EPHA7: variants seen among roughly 807,000 people sequenced by gnomAD.
The protein encoded by EPHA7 is EPH receptor A7.
In EPHA7, 25 loss-of-function variants were observed where a neutral mutation model predicts 112.6. That is an observed-to-expected ratio of 0.22 (90% CI 0.16 to 0.31). The LOEUF (loss-of-function observed/expected upper bound fraction) is 0.31, where lower values mean the gene tolerates loss of function less well. EPHA7 is among the 10% of genes least tolerant of loss of function. The pLI is 1.00. For missense variants in EPHA7, 962 were observed against 1,212.6 expected (o/e 0.79, Z 3.07); for synonymous variants, 437 against 406.5 (o/e 1.07, Z -0.90).
At chr6:93,266,372 AG>A (rs889181801) in intron 7 of EPHA7, among the ~76,000 whole-genome samples, 1 of 151,660 alleles carries the variant, frequency 6.6e-6, no homozygotes, top group African/African-American at 2.4e-5. Context: ...AGCTTCAGAA[AG>A]AGAACTCTAA....
At chr6:93,363,864 A>C in intron 3 of EPHA7, among the ~76,000 whole-genome samples, 1 of 152,216 alleles carries the variant, frequency 6.6e-6, no homozygotes, top group South Asian at 2.1e-4. Flanking sequence ...TAATCCACCA[A>C]TTAAAAGGAG....
chr6:93,393,060 G>A (rs972257164), intron 3 of EPHA7, among the ~76,000 whole-genome samples: 2 of 151,764 alleles, frequency 1.3e-5, no homozygotes, highest in African/African-American at 4.8e-5. Context: ...AATCATATGT[G>A]GCTGTAATTG....
intron 3 of EPHA7, among the ~76,000 whole-genome samples, chr6:93,369,830 G>C (rs547728431): frequency 6.6e-6 from 1 of 152,300 alleles, no homozygotes; most frequent in Admixed American, 6.5e-5. Flanking sequence ...CCAGCATTAT[G>C]CATCTGGTGA....
chr6:93,282,518 C>T (rs1771796282), intron 5 of EPHA7, among the ~76,000 whole-genome samples: 1 of 152,240 alleles, frequency 6.6e-6, no homozygotes, highest in Admixed American at 6.5e-5. Flanking sequence ...ACTCTTGGCG[C>T]CTCCTCGGCC....
At position 93,242,219 on chromosome 6, in the gene EPHA7, C is replaced by CA. The variant is rs1769719073; in HGVS notation, c.*1206dup. The CA allele has an allele frequency of 5.1e-6, 1 of 196,864 alleles. No homozygotes were observed. Among genetic ancestry groups the CA allele is most frequent in the African/African-American group, 2.3e-5 (1 of 43,302 alleles). The allele number at this position is 196,864 out of a possible 1,614,324, so 12.2% of individuals were successfully genotyped here. A position where few individuals can be genotyped will look rare whatever the true frequency, so the allele number is the denominator to read the frequency against. The stretch of plus-strand genomic sequence containing the variant: ...TAGGGTAAAGAGTCCTTTCATTTAA[C>CA]AAGTTTCTTGCATCAGTGTTCACAA... On this transcript the variant is annotated 3_prime_UTR_variant, in exon 17 of 17. Transcript: ENST00000369303.
At chr6:93,318,628 T>TC (rs1773922382) in intron 5 of EPHA7, among the ~76,000 whole-genome samples, 1 of 152,114 alleles carries the variant, frequency 6.6e-6, no homozygotes, top group Admixed American at 6.6e-5. Context: ...GTCATTTTGT[T>TC]TTTTGTTTGT....
intron 3 of EPHA7, among the ~76,000 whole-genome samples, chr6:93,400,566 T>C (rs906100108): frequency 6.6e-6 from 1 of 152,100 alleles, no homozygotes. Flanking sequence ...AAGGTCTAAC[T>C]GTCACCCTGG....
intron 7 of EPHA7, among the ~76,000 whole-genome samples, chr6:93,266,050 G>A (rs1047834233): frequency 3.3e-5 from 5 of 151,514 alleles, no homozygotes; most frequent in African/African-American, 9.7e-5. Flanking sequence ...TTTATCACCT[G>A]CTGAATTGCT....
chr6:93,324,885 T>C (rs1774239845), intron 5 of EPHA7, among the ~76,000 whole-genome samples: 1 of 151,342 alleles, frequency 6.6e-6, no homozygotes, highest in Non-Finnish European at 1.5e-5. Flanking sequence ...GCAAAAGAGG[T>C]TCATATTGTA....
intron 13 of EPHA7, 120 bp from the exon 14 acceptor site, chr6:93,254,916 A>G: frequency 1.5e-6 from 1 of 663,164 alleles, no homozygotes; most frequent in South Asian, 2.5e-5. Flanking sequence ...AGGTCTACCC[A>G]TCTTGAATCT....
chr6:93,255,406 A>C (rs1474749049), intron 13 of EPHA7, among the ~76,000 whole-genome samples: 2 of 152,184 alleles, frequency 1.3e-5, no homozygotes, highest in Non-Finnish European at 2.9e-5. Flanking sequence ...AGTTACTATG[A>C]AAATGAAATA....
chr6:93,260,653 T>A (rs1770645254), intron 9 of EPHA7: 1 of 976,238 alleles, frequency 1.0e-6, no homozygotes, highest in African/African-American at 1.8e-5. Flanking sequence ...GCAAAATGTA[T>A]AAAGGAAAAT....
chr6:93,403,385 C>A (rs1466936254), intron 3 of EPHA7, among the ~76,000 whole-genome samples: 2 of 150,120 alleles, frequency 1.3e-5, no homozygotes, highest in Admixed American at 6.6e-5. Context: ...CAAGGCTTAG[C>A]TGTTTAAAAA....
chr6:93,378,115 A>C (rs1777152891), intron 3 of EPHA7, among the ~76,000 whole-genome samples: 1 of 152,090 alleles, frequency 6.6e-6, no homozygotes, highest in Non-Finnish European at 1.5e-5. Context: ...GGAAAGAGAC[A>C]ATTCATAGGC....
Position 93,294,352 on chromosome 6 carries a change from A to G in EPHA7, c.1325-21930T>C, listed in dbSNP as rs537180912. On this transcript the variant is annotated intron_variant, in intron 5 of 16. Coordinates refer to ENST00000369303, the MANE Select transcript of EPHA7 (RefSeq NM_004440.4). Reference sequence around the variant, plus strand: ...GCAGTGTATCAGGGATGATGTGACAAGGTAGTCTAAATTTAAGTCCCATGA... The same window carrying G: ...GCAGTGTATCAGGGATGATGTGACAGGGTAGTCTAAATTTAAGTCCCATGA... 1.5e-4 allele frequency among the ~76,000 whole-genome samples: 23 copies of G among 152,314 alleles called. No homozygotes were observed. In the East Asian group the frequency reaches 4.3e-3, roughly 28 times the overall value.
chr6:93,390,051 C>G (rs1391998606), intron 3 of EPHA7, among the ~76,000 whole-genome samples: 1 of 151,860 alleles, frequency 6.6e-6, no homozygotes, highest in Non-Finnish European at 1.5e-5. Flanking sequence ...AATCACTAAA[C>G]TTTAGCATCA....
chr6:93,326,388 CTA>C (rs1264734263), intron 5 of EPHA7, among the ~76,000 whole-genome samples: 1 of 151,432 alleles, frequency 6.6e-6, no homozygotes, highest in Non-Finnish European at 1.5e-5. Context: ...AATGAATGCT[CTA>C]TTTATATAAA....
intron 11 of EPHA7, 79 bp from the exon 12 acceptor site, chr6:93,257,602 A>G: frequency 1.1e-6 from 1 of 884,274 alleles, no homozygotes; most frequent in Non-Finnish European, 1.8e-6. Context: ...CCAATAAAAC[A>G]CATGGTGTTC....
chr6:93,371,872 GAA>G (rs1266547055), intron 3 of EPHA7, among the ~76,000 whole-genome samples: 1 of 152,052 alleles, frequency 6.6e-6, no homozygotes, highest in East Asian at 1.9e-4. Flanking sequence ...ATAAGGAAGG[GAA>G]AAAATCAGTT....
Sources: allele counts gnomAD v4.1 joint callset (sites outside exome capture counted in the v4.1 genomes callset), GRCh38; gene constraint gnomAD v4.1.1; transcripts MANE v1.5; gene names NCBI Gene and HGNC (gene_info 2026-07-23, HGNC 2026-07-21).